The following LUZP2 variants were observed in gnomAD, a reference collection of about 807,000 sequenced individuals.
The protein encoded by LUZP2 is leucine zipper protein 2.
LUZP2 carries 52 observed loss-of-function variants against 51.6 expected under a neutral mutation model. The observed-to-expected ratio is 1.01, with a 90% confidence interval of 0.81 to 1.27. The LOEUF (loss-of-function observed/expected upper bound fraction) is 1.27. LUZP2 is among the 50% of genes most tolerant of loss of function. The probability of loss-of-function intolerance (pLI) is 0.00; values close to 1 mark genes in which losing one functional copy is unlikely to be tolerated. For synonymous variants in LUZP2, 154 were observed against 137.3 expected, an observed-to-expected ratio of 1.12 and a Z score of -0.85; for missense variants, 436 against 395.4, an observed-to-expected ratio of 1.10 and a Z score of -0.87.
At chr11:24,852,341 T>A (rs1851422567) in intron 5 of LUZP2, among the ~76,000 whole-genome samples, 2 of 152,208 alleles carry the variant, frequency 1.3e-5, no homozygotes, top group Non-Finnish European at 2.9e-5. Context: ...ACTTATTTAT[T>A]TCTGCCTTAA....
intron 4 of LUZP2, among the ~76,000 whole-genome samples, chr11:24,742,139 T>C (rs1257365239): frequency 2.0e-5 from 3 of 148,306 alleles, no homozygotes; most frequent in Non-Finnish European, 4.4e-5. Flanking sequence ...ATTTTGCAAT[T>C]GCGAATTGTG....
At chr11:24,765,015 A>C (rs1395703786) in intron 5 of LUZP2, among the ~76,000 whole-genome samples, 5 of 152,188 alleles carry the variant, frequency 3.3e-5, no homozygotes, top group Admixed American at 3.3e-4. Context: ...ATTTGCTACT[A>C]TTCACTTTAA....
intron 7 of LUZP2, among the ~76,000 whole-genome samples, chr11:24,931,449 C>G (rs1317679608): frequency 6.6e-6 from 1 of 151,982 alleles, no homozygotes; most frequent in East Asian, 1.9e-4. Context: ...AAGAGACAGA[C>G]AAAGTATAGA....
intron 10 of LUZP2, among the ~76,000 whole-genome samples, chr11:25,073,834 G>T (rs1182730156): frequency 1.3e-5 from 2 of 152,006 alleles, no homozygotes. Flanking sequence ...ATAATCAAAG[G>T]AGGAGAAAGA....
At chr11:24,746,676 A>C (rs1859392611) in intron 4 of LUZP2, among the ~76,000 whole-genome samples, 2 of 152,168 alleles carry the variant, frequency 1.3e-5, no homozygotes. Context: ...CTTCTTTCAC[A>C]GGAACACTGA....
chr11:24,786,490 C>CCCTAATGT (rs1316378240), intron 5 of LUZP2: 2 of 977,056 alleles, frequency 2.0e-6, no homozygotes, highest in Non-Finnish European at 2.4e-6. Context: ...TAACACCTTC[C>CCCTAATGT]CCTAATGTGA....
chr11:24,993,354 C>A (rs1003203493), intron 9 of LUZP2, among the ~76,000 whole-genome samples: 2 of 152,092 alleles, frequency 1.3e-5, no homozygotes, highest in African/African-American at 4.8e-5. Flanking sequence ...TAAAAGCAGT[C>A]AATACCAAAA....
chr11:24,865,276 G>A (rs754770550), intron 5 of LUZP2, among the ~76,000 whole-genome samples: 34 of 152,174 alleles, frequency 2.2e-4, no homozygotes, highest in Non-Finnish European at 7.3e-5. Context: ...TTTGGAAAGT[G>A]CTTAGTAAAT....
rs114615236 is a variant in LUZP2, at chr11:24,842,622, T to G, written c.397-63369T>G. Among the ~76,000 whole-genome samples, 717 of 152,140 alleles carry G rather than the reference T, an allele frequency of 4.7e-3. 2 individuals carry two copies. Among genetic ancestry groups the G allele is most frequent in the African/African-American group, 0.016 (682 of 41,558 alleles). On this transcript the variant is annotated intron_variant, in intron 5 of 11. Transcript: ENST00000336930. ...TGTTCTCTGACCCTTAAGCTAGAAA[T>G]CAATAATATTTCTTTTTCTTTTGGC...
chr11:24,602,259 C>CAT (rs563642354), intron 1 of LUZP2, among the ~76,000 whole-genome samples: 87 of 74,098 alleles, frequency 1.2e-3, no homozygotes, highest in Non-Finnish European at 1.5e-3. Context: ...TATATGCAAA[C>CAT]ATATATGTAC....
chr11:24,706,318 A>G (rs1447242966), intron 1 of LUZP2, among the ~76,000 whole-genome samples: 1 of 152,186 alleles, frequency 6.6e-6, no homozygotes, highest in Non-Finnish European at 1.5e-5. Context: ...TATAACAGAA[A>G]TGCTAGCTAT....
intron 1 of LUZP2, among the ~76,000 whole-genome samples, chr11:24,585,781 C>A (rs937080711): frequency 6.6e-6 from 1 of 151,940 alleles, no homozygotes; most frequent in Non-Finnish European, 1.5e-5. Context: ...TTCAGACAAA[C>A]CTATGCCTAT....
chr11:24,967,537 G>A (rs1855621792), intron 7 of LUZP2, among the ~76,000 whole-genome samples: 1 of 150,556 alleles, frequency 6.6e-6, no homozygotes. Flanking sequence ...TAATATTATT[G>A]TAAGCATTTT....
At chr11:24,787,491 G>C (rs1266120943) in intron 5 of LUZP2, among the ~76,000 whole-genome samples, 2 of 152,010 alleles carry the variant, frequency 1.3e-5, no homozygotes, top group African/African-American at 4.8e-5. Flanking sequence ...TAGTAAACTG[G>C]ACAAAATTGT....
At chr11:24,631,641 G>A (rs1314930920) in intron 1 of LUZP2, among the ~76,000 whole-genome samples, 1 of 151,874 alleles carries the variant, frequency 6.6e-6, no homozygotes, top group Non-Finnish European at 1.5e-5. Context: ...TGTTTATCAG[G>A]GATATCGGTC....
chr11:24,646,702 G>C, intron 1 of LUZP2: 1 of 570,356 alleles, frequency 1.8e-6, no homozygotes, highest in Non-Finnish European at 2.2e-6. Context: ...ATGTCTCATT[G>C]GCCATAACTG....
At chr11:24,899,429 C>A (rs1853201368) in intron 5 of LUZP2, among the ~76,000 whole-genome samples, 1 of 151,294 alleles carries the variant, frequency 6.6e-6, no homozygotes, top group Non-Finnish European at 1.5e-5. Flanking sequence ...AAAAAAAAAA[C>A]TGTGAGGTTG....
intron 1 of LUZP2, among the ~76,000 whole-genome samples, chr11:24,632,803 TGATGA>T (rs1361878393): frequency 6.6e-6 from 1 of 152,026 alleles, no homozygotes; most frequent in Admixed American, 6.6e-5. Context: ...TAAACCAAGC[TGATGA>T]GATAGCCTGA....
At chr11:24,808,995 A>G (rs1180486329) in intron 5 of LUZP2, among the ~76,000 whole-genome samples, 2 of 152,126 alleles carry the variant, frequency 1.3e-5, no homozygotes, top group Non-Finnish European at 2.9e-5. Flanking sequence ...CTTTTGGAAG[A>G]TAGGTGAAGT....
Sources: allele counts gnomAD v4.1 joint callset (sites outside exome capture counted in the v4.1 genomes callset), GRCh38; gene constraint gnomAD v4.1.1; transcripts MANE v1.5; gene names NCBI Gene and HGNC (gene_info 2026-07-23, HGNC 2026-07-21).